GDF5: variants seen among roughly 807,000 people sequenced by gnomAD.
GDF5 encodes growth differentiation factor 5, also known as growth/differentiation factor 5.
Under a neutral mutation model 34.6 loss-of-function variants are expected in GDF5, and 17 were observed. The observed-to-expected ratio is 0.49, with a 90% CI of 0.34 to 0.74. The LOEUF is 0.74. GDF5 is among the 30% of genes least tolerant of loss of function. GDF5 has a pLI of 0.01. For synonymous variants in GDF5, 332 were observed against 290.7 expected (o/e 1.14, Z -1.44); for missense variants, 616 against 661.2 (o/e 0.93, Z 0.75).
chr20:35,439,908 CTTTTTTTTTTT>C (rs34397706), upstream of GDF5, among the ~76,000 whole-genome samples: 1 of 71,678 alleles, frequency 1.4e-5, no homozygotes, highest in Non-Finnish European at 2.5e-5. Flanking sequence ...AGGCTTCCTT[CTTTTTTTTTTT>C]TTTTTTTTTT....
intron 1 of GDF5, among the ~76,000 whole-genome samples, chr20:35,450,868 C>G (rs1019217786): frequency 1.3e-5 from 2 of 151,776 alleles, no homozygotes; most frequent in Admixed American, 6.6e-5. Context: ...GAAGCCCCCT[C>G]TCCTAGTCAC....
chr20:35,440,361 G>C (rs936811943), upstream of GDF5, among the ~76,000 whole-genome samples: 2 of 151,902 alleles, frequency 1.3e-5, no homozygotes, highest in Non-Finnish European at 2.9e-5. Context: ...ATTAAAAACA[G>C]ACTTGTTCCC....
chr20:35,453,586 C>T (rs2062545795), intron 1 of GDF5, among the ~76,000 whole-genome samples: 2 of 152,200 alleles, frequency 1.3e-5, no homozygotes, highest in Admixed American at 1.3e-4. Flanking sequence ...ATCGTTTTCT[C>T]TGTCTAGTGC....
chr20:35,440,201 C>T (rs1350649375), upstream of GDF5, among the ~76,000 whole-genome samples: 1 of 150,430 alleles, frequency 6.6e-6, no homozygotes, highest in Non-Finnish European at 1.5e-5. Context: ...GCAGGCATCT[C>T]TACCAAAAAT....
upstream of GDF5, among the ~76,000 whole-genome samples, chr20:35,438,600 A>C (rs2062485710): frequency 6.6e-6 from 1 of 152,002 alleles, no homozygotes; most frequent in African/African-American, 2.4e-5. Context: ...CTGCAGCGGG[A>C]CTCTAGGCTT....
chr20:35,451,056 A>ATATATATAT (rs2062530262), intron 1 of GDF5, among the ~76,000 whole-genome samples: 53 of 67,000 alleles, frequency 7.9e-4, no homozygotes, highest in East Asian at 1.1e-3. Flanking sequence ...AAAAAAAAAA[A>ATATATATAT]AAAAAAAAAT....
Position 35,433,512 on chromosome 20 carries a change from T to G in GDF5, c.*397A>C. On this transcript the variant is annotated 3_prime_UTR_variant, in exon 2 of 2. Transcript: ENST00000374369. ...GACAGGAAGTCACCAGGCACAAATG[T>G]GATTTGAGGAGGCAGTGGCACCTGT... The G allele has an allele frequency of 2.9e-6, 1 of 344,282 alleles. No homozygotes were observed. Among genetic ancestry groups the G allele is most frequent in the Non-Finnish European group, 5.7e-6 (1 of 176,070 alleles). 21.3% of individuals were successfully genotyped at this position (344,282 alleles called of 1,614,324 possible).
chr20:35,453,929 A>G lies in GDF5; in HGVS notation c.-398+711T>C, dbSNP rs768499162. 16 of 534,406 alleles carry G rather than the reference A, an allele frequency of 3.0e-5. 1 individual carries two copies. In the East Asian group the frequency reaches 8.2e-4, roughly 27 times the overall value. 33.1% of individuals were successfully genotyped at this position (534,406 alleles called of 1,614,324 possible). ...TACAGTCTCTACGCTCAAGCTCACA[A>G]TCTCATGCAGCGCTTCCTAAAACGT... On this transcript the variant is annotated intron_variant, in intron 1 of 3. Transcript: ENST00000374372.
upstream of GDF5, among the ~76,000 whole-genome samples, chr20:35,442,509 C>G (rs2062501055): frequency 6.7e-6 from 1 of 149,958 alleles, no homozygotes; most frequent in East Asian, 2.0e-4. Context: ...CCGCCGTGCC[C>G]AGCCCGAAGG....
At chr20:35,447,339 C>A (rs2062517189) in intron 1 of GDF5, among the ~76,000 whole-genome samples, 1 of 152,312 alleles carries the variant, frequency 6.6e-6, no homozygotes, top group African/African-American at 2.4e-5. Flanking sequence ...TTTCTAGACT[C>A]CGCAGCAGTG....
chr20:35,440,620 A>C (rs999830282), upstream of GDF5, among the ~76,000 whole-genome samples: 1 of 152,146 alleles, frequency 6.6e-6, no homozygotes, highest in Non-Finnish European at 1.5e-5. Flanking sequence ...AGCTGCCATC[A>C]CACATTTTCT....
rs1410628211 is a variant in GDF5, at chr20:35,435,017, T to C, written c.632-234A>G. ...ACCTGAAGATGTGGCTGGGGATGAT[T>C]TGCGTGATTCTGGTGTTTGTGTCAT... On this transcript the variant is annotated intron_variant, in intron 1 of 1. Coordinates refer to ENST00000374369, the MANE Select transcript of GDF5 (RefSeq NM_000557.5). 4.7e-6 allele frequency: 3 copies of C among 638,852 alleles called. No homozygotes were observed. The Admixed American group carries it at 7.8e-5, about 17-fold the overall frequency. The allele number at this position is 638,852 out of a possible 1,614,324, so 39.6% of individuals were successfully genotyped here.
At position 35,433,619 on chromosome 20, in the gene GDF5, A is replaced by G; in HGVS notation, c.*290T>C. ...GAAATGGTGGGCTGAGTCTCATCGG[A>G]AAGCACTGTTTCCTGGGACTCAGTC... On this transcript the variant is annotated 3_prime_UTR_variant, in exon 2 of 2. Coordinates refer to ENST00000374369, the MANE Select transcript of GDF5 (RefSeq NM_000557.5). 1 of 470,382 alleles carries G rather than the reference A, an allele frequency of 2.1e-6. No homozygotes were observed. Among genetic ancestry groups the G allele is most frequent in the East Asian group, 4.3e-5 (1 of 23,374 alleles). The allele number at this position is 470,382 out of a possible 1,614,324, so 29.1% of individuals were successfully genotyped here. A position where few individuals can be genotyped will look rare whatever the true frequency, so the allele number is the denominator to read the frequency against.
chr20:35,451,081 A>ATATATATATATATATATATT (rs2062531647), intron 1 of GDF5, among the ~76,000 whole-genome samples: 2 of 53,010 alleles, frequency 3.8e-5, no homozygotes, highest in African/African-American at 2.6e-4. Context: ...ATATATATAT[A>ATATATATATATATATATATT]TATATATATA....
chr20:35,453,209 C>T (rs974493136), intron 1 of GDF5, among the ~76,000 whole-genome samples: 1 of 152,104 alleles, frequency 6.6e-6, no homozygotes, highest in African/African-American at 2.4e-5. Flanking sequence ...GAGATTGCGC[C>T]GCTGCACTCC....
chr20:35,433,637 A>T lies in GDF5; in HGVS notation c.*272T>A, dbSNP rs1047226917. 5.8e-6 allele frequency: 3 copies of T among 513,698 alleles called. No individual in the cohort carries two copies. In the South Asian group the frequency reaches 5.9e-5, roughly 10 times the overall value. 31.8% of individuals were successfully genotyped at this position (513,698 alleles called of 1,614,324 possible). A position where few individuals can be genotyped will look rare whatever the true frequency, so the allele number is the denominator to read the frequency against. The stretch of plus-strand genomic sequence containing the variant: ...TCATCGGAAAGCACTGTTTCCTGGG[A>T]CTCAGTCCCATTCAGAGTCTGTCTC... On this transcript the variant is annotated 3_prime_UTR_variant, in exon 2 of 2. Coordinates refer to ENST00000374369, the MANE Select transcript of GDF5 (RefSeq NM_000557.5).
upstream of GDF5, among the ~76,000 whole-genome samples, chr20:35,442,617 C>T (rs34414056): frequency 0.2 from 29,697 of 147,062 alleles, 3,040 homozygotes; most frequent in Middle Eastern, 0.33. Context: ...TCAATCTCAG[C>T]TCATTACAAC....
At chr20:35,447,393 T>C (rs2062517431) in intron 1 of GDF5, among the ~76,000 whole-genome samples, 2 of 152,218 alleles carry the variant, frequency 1.3e-5, no homozygotes, top group African/African-American at 4.8e-5. Flanking sequence ...CCTGCTGGGA[T>C]ACTCGGGAGC....
chr20:35,439,830 G>A (rs739329), upstream of GDF5, among the ~76,000 whole-genome samples: 4,834 of 149,396 alleles, frequency 0.032, 117 homozygotes, highest in South Asian at 0.12. Context: ...TACCCCTTCT[G>A]TACATTTCTC....
Sources: gnomAD v4.1 joint callset for allele counts (sites outside exome capture counted in the v4.1 genomes callset) on GRCh38, gnomAD v4.1.1 for gene constraint, MANE v1.5 for transcripts, NCBI Gene and HGNC (gene_info 2026-07-23, HGNC 2026-07-21) for gene names.